Variants in HCRTR2 observed in about 807,000 individuals in gnomAD.
HCRTR2 encodes the protein orexin receptor type 2.
Under a neutral mutation model 49.0 loss-of-function variants are expected in HCRTR2, and 22 were observed. The observed-to-expected ratio is 0.45, with a 90% CI of 0.32 to 0.64. HCRTR2 has a LOEUF of 0.64. Among genes scored for constraint, HCRTR2 ranks in the 30% least tolerant of loss-of-function variants. The pLI is 0.04. For synonymous variants in HCRTR2, 236 were observed against 205.3 expected (o/e 1.15, Z -1.28); for missense variants, 491 against 559.4 (o/e 0.88, Z 1.23).
In HCRTR2 at chr6:55,165,744, A is replaced by ATATATAT. The variant is rs1764867205; in HGVS notation, c.-377-8467_-377-8466insTATATAT. Among the ~76,000 whole-genome samples, 285 of 128,462 alleles carry ATATATAT rather than the reference A, an allele frequency of 2.2e-3. 11 individuals are homozygous for ATATATAT. Among genetic ancestry groups the ATATATAT allele is most frequent in the Middle Eastern group, 8.1e-3 (2 of 248 alleles). The allele number at this position is 128,462 out of a possible 152,430, so 84.3% of individuals were successfully genotyped here. On this transcript the variant is annotated intron_variant, in intron 1 of 7. Coordinates refer to the HCRTR2 transcript ENST00000615358. ...TATTTGTTAAGGGATTAGTATACAG[A>ATATATAT]ATATATATATATATATATATATATA... is the stretch of plus-strand genomic sequence containing the variant.
At chr6:55,170,734 T>TCCCCCCCCCCCCCC (rs11432290), upstream of HCRTR2, among the ~76,000 whole-genome samples, 1 of 107,272 alleles carries the variant, frequency 9.3e-6, no homozygotes, top group Non-Finnish European at 1.8e-5. Flanking sequence ...CCCTCCCCCC[T>TCCCCCCCCCCCCCC]CCCCCACCCC....
At chr6:55,181,085 C>T (rs367683335) in intron 1 of HCRTR2, among the ~76,000 whole-genome samples, 7 of 151,982 alleles carry the variant, frequency 4.6e-5, no homozygotes, top group South Asian at 2.1e-4. Flanking sequence ...GGATTGCAGG[C>T]ATGAGCCACT....
chr6:55,139,034 A>G (rs1461608394), intron 1 of HCRTR2, among the ~76,000 whole-genome samples: 1 of 152,148 alleles, frequency 6.6e-6, no homozygotes, highest in African/African-American at 2.4e-5. Context: ...TAAATTGGGA[A>G]CACAAATTTC....
intron 1 of HCRTR2, among the ~76,000 whole-genome samples, chr6:55,216,635 T>C (rs2127294063): frequency 6.6e-6 from 1 of 152,326 alleles, no homozygotes; most frequent in Non-Finnish European, 1.5e-5. Flanking sequence ...AAGCATTCTC[T>C]GCACAATGTG....
rs1039125314 is a variant in HCRTR2 at position 55,279,524 on chromosome 6, C to CACAA, written c.984-796_984-795insAACA. Among the ~76,000 whole-genome samples, 15 of 141,692 alleles carry CACAA rather than the reference C, an allele frequency of 1.1e-4. No homozygotes were observed. In the East Asian group the frequency reaches 1.8e-3, roughly 17 times the overall value. 93.0% of individuals were successfully genotyped at this position (141,692 alleles called of 152,430 possible). A position where few individuals can be genotyped will look rare whatever the true frequency, so the allele number is the denominator to read the frequency against. On this transcript the variant is annotated intron_variant, in intron 5 of 6. Coordinates refer to ENST00000370862, the MANE Select transcript of HCRTR2 (RefSeq NM_001384272.1). ...GTTGTCATGCCTTCTTGCTGTAACACACACACACACACACACACACACACA... is the reference window on the plus strand; with the variant it reads ...GTTGTCATGCCTTCTTGCTGTAACACACAAACACACACACACACACACACACACA...
chr6:55,213,764 T>C (rs570671672), intron 1 of HCRTR2, among the ~76,000 whole-genome samples: 72 of 152,260 alleles, frequency 4.7e-4, no homozygotes, highest in African/African-American at 1.7e-3. Context: ...GCTTCCGTCA[T>C]GCCTAAATAC....
chr6:55,109,599 T>C (rs1764022367), intron 1 of HCRTR2, among the ~76,000 whole-genome samples: 1 of 151,470 alleles, frequency 6.6e-6, no homozygotes, highest in Non-Finnish European at 1.5e-5. Flanking sequence ...AACAATAGAA[T>C]CAAACAAATA....
rs569278740 is a variant in HCRTR2 at position 55,263,925 on chromosome 6, C to T, written c.762+103C>T. ...GTCTGTGCTTTTTTTTTAGGATGCA[C>T]TTATAAACAAAATTTAAGAATGCAT... On this transcript the variant is annotated intron_variant, in intron 4 of 6. Coordinates refer to ENST00000370862, the MANE Select transcript of HCRTR2 (RefSeq NM_001384272.1). 3.8e-5 allele frequency: 28 copies of T among 739,014 alleles called. 1 individual carries two copies. In the East Asian group the frequency reaches 7.0e-4, roughly 19 times the overall value. 45.8% of individuals were successfully genotyped at this position (739,014 alleles called of 1,614,324 possible). A position where few individuals can be genotyped will look rare whatever the true frequency, so the allele number is the denominator to read the frequency against.
chr6:55,112,173 G>A (rs1299654429), intron 1 of HCRTR2, among the ~76,000 whole-genome samples: 1 of 151,832 alleles, frequency 6.6e-6, no homozygotes, highest in African/African-American at 2.4e-5. Flanking sequence ...TATGACAAAT[G>A]CACAGTCAAC....
chr6:55,253,345 C>A (rs1334209012), intron 2 of HCRTR2, among the ~76,000 whole-genome samples: 1 of 152,082 alleles, frequency 6.6e-6, no homozygotes, highest in Non-Finnish European at 1.5e-5. Flanking sequence ...ACTTTCTGCA[C>A]TGTTGCACTG....
chr6:55,113,434 A>G (rs1296134565), intron 1 of HCRTR2, among the ~76,000 whole-genome samples: 1 of 151,976 alleles, frequency 6.6e-6, no homozygotes, highest in Non-Finnish European at 1.5e-5. Flanking sequence ...AATCTGCAAG[A>G]AGAAAACAAA....
In HCRTR2 at chr6:55,136,183, T is replaced by C. The variant is rs534457572; in HGVS notation, c.-378+29638T>C. 3.3e-5 allele frequency among the ~76,000 whole-genome samples: 5 copies of C among 152,250 alleles called. No homozygotes were observed. The East Asian group carries it at 9.7e-4, about 29-fold the overall frequency. ...ATTCCACATTGTGCTGAAAAAAATA[T>C]AAGGGAGTGTCTTTATTCTCTGAAG... On this transcript the variant is annotated intron_variant, in intron 1 of 7. Coordinates refer to the HCRTR2 transcript ENST00000615358.
chr6:55,163,126 C>T (rs1764828761), intron 1 of HCRTR2, among the ~76,000 whole-genome samples: 1 of 151,938 alleles, frequency 6.6e-6, no homozygotes, highest in Admixed American at 6.6e-5. Context: ...GTCCCAGCTA[C>T]TTGGAGAGGC....
At chr6:55,272,153 G>A (rs1299605707) in intron 4 of HCRTR2, among the ~76,000 whole-genome samples, 1 of 152,108 alleles carries the variant, frequency 6.6e-6, no homozygotes, top group Admixed American at 6.6e-5. Flanking sequence ...TGTTCTATAT[G>A]CAAGCAATAA....
intron 1 of HCRTR2, among the ~76,000 whole-genome samples, chr6:55,204,797 C>T (rs1396248290): frequency 6.7e-6 from 1 of 149,812 alleles, no homozygotes; most frequent in Admixed American, 6.6e-5. Context: ...CCCTCCCCTT[C>T]CCTTTGGAGA....
intron 5 of HCRTR2, among the ~76,000 whole-genome samples, chr6:55,278,649 T>C (rs1461265042): frequency 6.6e-6 from 1 of 151,864 alleles, no homozygotes; most frequent in African/African-American, 2.4e-5. Context: ...GTGGCCTGGG[T>C]CCTTGAGACA....
chr6:55,189,655 GA>G (rs1413189167), intron 1 of HCRTR2, among the ~76,000 whole-genome samples: 5 of 152,156 alleles, frequency 3.3e-5, no homozygotes, highest in Non-Finnish European at 7.4e-5. Flanking sequence ...CTATGGGAGG[GA>G]GACCATCAGG....
intron 6 of HCRTR2, 64 bp downstream of exon 6, chr6:55,280,508 C>G (rs1017928949): frequency 1.2e-6 from 2 of 1,601,190 alleles, no homozygotes; most frequent in South Asian, 1.1e-5. Flanking sequence ...TCAATGAACA[C>G]TCTTCAACTA....
At chr6:55,108,429 G>A (rs1764004263) in intron 1 of HCRTR2, among the ~76,000 whole-genome samples, 1 of 151,962 alleles carries the variant, frequency 6.6e-6, no homozygotes. Context: ...AGCTGTGAGT[G>A]CCCAAAATGT....
Sources: allele counts gnomAD v4.1 joint callset (sites outside exome capture counted in the v4.1 genomes callset), GRCh38; gene constraint gnomAD v4.1.1; transcripts MANE v1.5; gene names NCBI Gene and HGNC (gene_info 2026-07-23, HGNC 2026-07-21).